COG5: variants seen among roughly 807,000 people sequenced by gnomAD.
COG5 encodes the protein component of oligomeric golgi complex 5.
In COG5, 86 loss-of-function variants were observed where a neutral mutation model predicts 110.4. That is an observed-to-expected ratio of 0.78 (90% confidence interval 0.65 to 0.93). The LOEUF is 0.93. COG5 is among the 40% of genes least tolerant of loss of function. COG5 has a pLI of 0.00. For missense variants in COG5, 1,077 were observed against 987.0 expected (o/e 1.09, Z -1.22); for synonymous variants, 360 against 334.6 (o/e 1.08, Z -0.83).
intron 6 of COG5, among the ~76,000 whole-genome samples, chr7:107,497,810 C>G (rs576351154): frequency 7.6e-4 from 116 of 152,150 alleles, no homozygotes; most frequent in Non-Finnish European, 1.6e-3. Flanking sequence ...TCATATGGAA[C>G]CACAGAAGAC....
chr7:107,372,520 AGT>A, intron 8 of COG5, 73 bp downstream of exon 8: 1 of 1,373,694 alleles, frequency 7.3e-7, no homozygotes, highest in Non-Finnish European at 1.0e-6. Flanking sequence ...TTGAAACATG[AGT>A]GTTTCACATA....
intron 6 of COG5, among the ~76,000 whole-genome samples, chr7:107,513,887 G>A (rs6945784): frequency 0.13 from 19,172 of 151,432 alleles, 1,501 homozygotes; most frequent in Non-Finnish European, 0.17. Flanking sequence ...ATCACACTCC[G>A]GGGACTGTTG....
chr7:107,380,887 G>C (rs1815062854), intron 7 of COG5, among the ~76,000 whole-genome samples: 1 of 152,094 alleles, frequency 6.6e-6, no homozygotes, highest in Non-Finnish European at 1.5e-5. Context: ...TATCCCTGAT[G>C]AACATCGATG....
At chr7:107,554,700 T>C (rs772375310) in intron 2 of COG5, among the ~76,000 whole-genome samples, 1 of 152,184 alleles carries the variant, frequency 6.6e-6, no homozygotes, top group Non-Finnish European at 1.5e-5. Context: ...CAGCATCTGG[T>C]GAGAACCCAT....
Position 107,466,431 on chromosome 7 carries a change from G to A in COG5, c.539-53799C>T, listed in dbSNP as rs534291516. On this transcript the variant is annotated intron_variant, in intron 6 of 21. Transcript: ENST00000297135. ...TGTGAAAAATAAAAATGAAAAAAACGTAAATGCCCAATTTAGGTGAAGTAG... is the reference window on the plus strand; with the variant it reads ...TGTGAAAAATAAAAATGAAAAAAACATAAATGCCCAATTTAGGTGAAGTAG... Among the ~76,000 whole-genome samples, 12 of 152,252 alleles carry A rather than the reference G, an allele frequency of 7.9e-5. No individual in the cohort carries two copies. In the South Asian group the frequency reaches 1.7e-3, roughly 21 times the overall value.
chr7:107,510,015 C>A (rs558591019), intron 6 of COG5, among the ~76,000 whole-genome samples: 3 of 152,144 alleles, frequency 2.0e-5, no homozygotes, highest in African/African-American at 7.2e-5. Flanking sequence ...AACCAGCTAA[C>A]ATCATAATGA....
chr7:107,246,629 A>T (rs2116536040), intron 17 of COG5, among the ~76,000 whole-genome samples: 1 of 152,302 alleles, frequency 6.6e-6, no homozygotes, highest in African/African-American at 2.4e-5. Context: ...AATGCTCAAC[A>T]CCACTGATCA....
At chr7:107,238,641 T>A (rs955485218) in intron 17 of COG5, among the ~76,000 whole-genome samples, 1 of 152,180 alleles carries the variant, frequency 6.6e-6, no homozygotes, top group African/African-American at 2.4e-5. Flanking sequence ...CCCTTTTCTG[T>A]ACATCGTCTT....
intron 6 of COG5, among the ~76,000 whole-genome samples, chr7:107,501,370 T>G (rs1285145731): frequency 7.9e-5 from 12 of 152,086 alleles, no homozygotes. Flanking sequence ...CTAAATAAAT[T>G]GTTCTCAAAC....
intron 5 of COG5, among the ~76,000 whole-genome samples, chr7:107,543,996 C>T (rs554289005): frequency 2.6e-5 from 4 of 151,942 alleles, no homozygotes; most frequent in Non-Finnish European, 5.9e-5. Context: ...CAAGCCCTTG[C>T]AGACCCAGCC....
chr7:107,312,746 G>C (rs60210593), intron 11 of COG5, among the ~76,000 whole-genome samples: 5,224 of 152,142 alleles, frequency 0.034, 297 homozygotes, highest in African/African-American at 0.12. Flanking sequence ...TGAGAGTAAT[G>C]GAAGAAGAGT....
chr7:107,454,629 A>T (rs1584845676), intron 6 of COG5, among the ~76,000 whole-genome samples: 1 of 152,186 alleles, frequency 6.6e-6, no homozygotes, highest in East Asian at 1.9e-4. Context: ...ATAGTATCAT[A>T]AGAAAAATGA....
chr7:107,287,443 G>T (rs947755179), intron 12 of COG5, among the ~76,000 whole-genome samples: 2 of 152,124 alleles, frequency 1.3e-5, no homozygotes, highest in Non-Finnish European at 2.9e-5. Flanking sequence ...TTTGACACAA[G>T]TGACTCCATG....
chr7:107,452,474 T>C (rs1186954680), intron 6 of COG5, among the ~76,000 whole-genome samples: 4 of 152,116 alleles, frequency 2.6e-5, no homozygotes, highest in Admixed American at 1.3e-4. Context: ...TGGGAGGTAA[T>C]TGAATCGTGG....
At chr7:107,250,985 C>T (rs1193050695) in intron 16 of COG5, among the ~76,000 whole-genome samples, 2 of 151,862 alleles carry the variant, frequency 1.3e-5, no homozygotes, top group African/African-American at 2.4e-5. Context: ...GGAAAAAGGC[C>T]TCACGCTAAT....
intron 10 of COG5, among the ~76,000 whole-genome samples, chr7:107,342,961 T>C (rs571696929): frequency 2.3e-4 from 35 of 152,248 alleles, no homozygotes; most frequent in Admixed American, 2.3e-3. Flanking sequence ...AGACAGAGAA[T>C]CAACCTAGGT....
intron 10 of COG5, among the ~76,000 whole-genome samples, chr7:107,361,422 G>T (rs13235025): frequency 3.1e-3 from 470 of 152,238 alleles, no homozygotes; most frequent in Non-Finnish European, 5.1e-3. Context: ...TTATTCTCTA[G>T]TGGAAGTTTT....
chr7:107,375,709 A>G lies in COG5; in HGVS notation c.670-2949T>C, dbSNP rs142079205. 7.9e-5 allele frequency among the ~76,000 whole-genome samples: 12 copies of G among 152,104 alleles called. No individual in the cohort carries two copies. In the East Asian group the frequency reaches 1.9e-3, roughly 24 times the overall value. ...TAGTTGTTTTTTGTCATTTACATATAAAGTTGTTTATATATTTTGGATACA... is the reference window on the plus strand; with the variant it reads ...TAGTTGTTTTTTGTCATTTACATATGAAGTTGTTTATATATTTTGGATACA... On this transcript the variant is annotated intron_variant, in intron 7 of 21. Coordinates refer to ENST00000297135, the MANE Select transcript of COG5 (RefSeq NM_006348.5).
At chr7:107,424,967 G>T (rs1372511213) in intron 6 of COG5, among the ~76,000 whole-genome samples, 1 of 152,092 alleles carries the variant, frequency 6.6e-6, no homozygotes, top group Non-Finnish European at 1.5e-5. Flanking sequence ...GAATCCTAGG[G>T]TAAACACAAA....
Sources: allele counts gnomAD v4.1 joint callset (sites outside exome capture counted in the v4.1 genomes callset), GRCh38; gene constraint gnomAD v4.1.1; transcripts MANE v1.5; gene names NCBI Gene and HGNC (gene_info 2026-07-23, HGNC 2026-07-21).